ADGRL3: variants seen among roughly 807,000 people sequenced by gnomAD.
The protein encoded by ADGRL3 is calcium-independent alpha-latrotoxin receptor 3.
Under a neutral mutation model 153.5 loss-of-function variants are expected in ADGRL3, and 62 were observed. The observed-to-expected ratio is 0.40, with a 90% CI of 0.33 to 0.50. ADGRL3 has a LOEUF of 0.50. Ranked by LOEUF, ADGRL3 falls within the 20% of genes least tolerant of loss-of-function variation. The pLI, the probability that ADGRL3 is intolerant of heterozygous loss-of-function variation, is 0.47. For synonymous variants in ADGRL3, 710 were observed against 672.5 expected, an observed-to-expected ratio of 1.06 and a Z score of -0.86; for missense variants, 1,641 against 1,859.4, an observed-to-expected ratio of 0.88 and a Z score of 2.16.
At chr4:61,562,054 A>G (rs1036021520) in intron 4 of ADGRL3, among the ~76,000 whole-genome samples, 1 of 151,952 alleles carries the variant, frequency 6.6e-6, no homozygotes, top group African/African-American at 2.4e-5. Context: ...ACTGTGGTAA[A>G]TATTGCAATA....
chr4:61,779,514 A>G (rs538157835), intron 8 of ADGRL3, among the ~76,000 whole-genome samples: 1 of 151,658 alleles, frequency 6.6e-6, no homozygotes, highest in Non-Finnish European at 1.5e-5. Flanking sequence ...GGCACCTGTA[A>G]TCCCAGCTAC....
At chr4:61,908,288 A>G (rs149421976) in intron 11 of ADGRL3, among the ~76,000 whole-genome samples, 5 of 152,044 alleles carry the variant, frequency 3.3e-5, no homozygotes, top group Admixed American at 1.3e-4. Flanking sequence ...ACCCTGTCTT[A>G]CAAAAGAAAA....
chr4:61,460,048 C>T (rs2097792263), intron 2 of ADGRL3, among the ~76,000 whole-genome samples: 1 of 151,968 alleles, frequency 6.6e-6, no homozygotes, highest in Non-Finnish European at 1.5e-5. Context: ...TTGTTGATTG[C>T]TTCCTTTGCT....
intron 1 of ADGRL3, among the ~76,000 whole-genome samples, chr4:61,235,061 T>A (rs763667709): frequency 4.6e-5 from 7 of 152,126 alleles, no homozygotes; most frequent in Non-Finnish European, 1.0e-4. Flanking sequence ...TCTTTTCTCT[T>A]GTGCACATGT....
intron 1 of ADGRL3, among the ~76,000 whole-genome samples, chr4:61,281,389 G>A (rs1030735052): frequency 6.6e-6 from 1 of 152,072 alleles, no homozygotes; most frequent in Admixed American, 6.6e-5. Flanking sequence ...TACCCCAAGA[G>A]TAAAATCTCT....
chr4:61,502,218 G>A (rs2152830528), intron 3 of ADGRL3, among the ~76,000 whole-genome samples: 1 of 152,236 alleles, frequency 6.6e-6, no homozygotes, highest in Non-Finnish European at 1.5e-5. Flanking sequence ...GGGACCTTGG[G>A]CTGGGAGATC....
intron 8 of ADGRL3, among the ~76,000 whole-genome samples, chr4:61,784,014 G>T (rs1225073498): frequency 1.3e-5 from 2 of 152,026 alleles, no homozygotes; most frequent in Non-Finnish European, 2.9e-5. Flanking sequence ...CAAGTAGCTT[G>T]AATTACCCAA....
At chr4:61,927,380 G>C (rs1230029015) in intron 13 of ADGRL3, among the ~76,000 whole-genome samples, 1 of 151,230 alleles carries the variant, frequency 6.6e-6, no homozygotes, top group Non-Finnish European at 1.5e-5. Context: ...AAAAAAATAA[G>C]AGGTCTCTTA....
intron 15 of ADGRL3, among the ~76,000 whole-genome samples, chr4:61,939,885 T>G (rs1481886008): frequency 1.3e-5 from 2 of 152,178 alleles, no homozygotes; most frequent in African/African-American, 4.8e-5. Flanking sequence ...GTTCCACGTA[T>G]CAATAGTTTG....
intron 1 of ADGRL3, among the ~76,000 whole-genome samples, chr4:61,368,220 G>A (rs1348835933): frequency 6.6e-6 from 1 of 152,020 alleles, no homozygotes; most frequent in East Asian, 1.9e-4. Context: ...TTCTTTTGCT[G>A]TGCAGAAGCT....
At chr4:61,342,897 A>G (rs1353017668) in intron 1 of ADGRL3, among the ~76,000 whole-genome samples, 1 of 152,176 alleles carries the variant, frequency 6.6e-6, no homozygotes, top group Non-Finnish European at 1.5e-5. Context: ...ATTGTAAAGG[A>G]AAAAGGTTTA....
intron 21 of ADGRL3, among the ~76,000 whole-genome samples, chr4:62,004,762 A>G (rs867327421): frequency 2.6e-5 from 4 of 152,070 alleles, no homozygotes; most frequent in South Asian, 2.1e-4. Context: ...GCCCATGTAT[A>G]TACTGTGAAC....
Position 61,985,991 on chromosome 4 carries a change from GT to G in ADGRL3, c.3236+2399del, listed in dbSNP as rs1158483606. Among the ~76,000 whole-genome samples, 49 of 140,990 alleles carry G rather than the reference GT, an allele frequency of 3.5e-4. No homozygotes were observed. The South Asian group carries it at 3.6e-3, about 10-fold the overall frequency. 92.5% of individuals were successfully genotyped at this position (140,990 alleles called of 152,430 possible). On this transcript the variant is annotated intron_variant, in intron 19 of 26. Coordinates refer to ENST00000683033, the MANE Select transcript of ADGRL3 (RefSeq NM_001387552.1). Reference sequence around the variant, plus strand: ...AGGGGTGTTAGGTTGATATAGGTTTGTTTTTTTTTTTAAATAACATCTTTGA... The same window carrying G: ...AGGGGTGTTAGGTTGATATAGGTTTGTTTTTTTTTTAAATAACATCTTTGA...
chr4:62,017,803 A>C (rs192159572), intron 21 of ADGRL3, among the ~76,000 whole-genome samples: 1 of 152,270 alleles, frequency 6.6e-6, no homozygotes, highest in East Asian at 1.9e-4. Context: ...TCTTAAAGAA[A>C]TCTTCCATGT....
intron 21 of ADGRL3, among the ~76,000 whole-genome samples, chr4:61,998,568 C>CTT (rs569156598): frequency 3.6e-5 from 5 of 139,732 alleles, no homozygotes; most frequent in Admixed American, 7.2e-5. Flanking sequence ...GCAGGTTATT[C>CTT]TTTTTTTTTT....
At chr4:61,298,664 AAAAT>A (rs1378604482) in intron 1 of ADGRL3, among the ~76,000 whole-genome samples, 4 of 152,184 alleles carry the variant, frequency 2.6e-5, no homozygotes, top group African/African-American at 9.7e-5. Flanking sequence ...TTCTACATTA[AAAAT>A]AATAATAAAA....
chr4:61,236,011 T>TTTC (rs1553882993), intron 1 of ADGRL3, among the ~76,000 whole-genome samples: 2 of 138,796 alleles, frequency 1.4e-5, no homozygotes, highest in African/African-American at 5.4e-5. Context: ...TTCTTTTCTT[T>TTTC]TTTTTTTTTT....
In ADGRL3 at chr4:61,968,327, C is replaced by T. The variant is rs375928456; in HGVS notation, c.2806-11236C>T. On this transcript the variant is annotated intron_variant, in intron 17 of 26. Transcript: ENST00000683033. ...GTCCTAAACTACACAGAACTTCAAA[C>T]AACTCAAGTAGAGTCAGTTCACCTT... Among the ~76,000 whole-genome samples the T allele has an allele frequency of 8.0e-4, 121 of 150,670 alleles. No homozygotes were observed. The South Asian group carries it at 9.7e-3, about 12-fold the overall frequency.
At position 61,985,036 on chromosome 4, in the gene ADGRL3, G is replaced by A. The variant is rs1442711052; in HGVS notation, c.3236+1433G>A. Among the ~76,000 whole-genome samples, 11 of 151,832 alleles carry A rather than the reference G, an allele frequency of 7.2e-5. No individual in the cohort carries two copies. In the East Asian group the frequency reaches 1.6e-3, roughly 21 times the overall value. Reference sequence around the variant, plus strand: ...ATAGTATATATGGGCCAAATGAAAGGGAAAAGTCTTGGGAGGTAGAAAGAC... The same window carrying A: ...ATAGTATATATGGGCCAAATGAAAGAGAAAAGTCTTGGGAGGTAGAAAGAC... On this transcript the variant is annotated intron_variant, in intron 19 of 26. Coordinates refer to ENST00000683033, the MANE Select transcript of ADGRL3 (RefSeq NM_001387552.1).
Sources: gnomAD v4.1 joint callset for allele counts (sites outside exome capture counted in the v4.1 genomes callset) on GRCh38, gnomAD v4.1.1 for gene constraint, MANE v1.5 for transcripts, NCBI Gene and HGNC (gene_info 2026-07-23, HGNC 2026-07-21) for gene names.